The following PATL2 variants were observed in gnomAD, a reference collection of about 807,000 sequenced individuals.
PATL2 encodes protein PAT1 homolog 2.
In PATL2, 73 loss-of-function variants were observed where a neutral mutation model predicts 77.0. That is an observed-to-expected ratio of 0.95 (90% confidence interval 0.78 to 1.15). PATL2 has a LOEUF of 1.15. Ranked by LOEUF, PATL2 falls within the 50% of genes most tolerant of loss-of-function variation. The pLI is 0.00. For synonymous variants in PATL2, 265 were observed against 257.1 expected, an observed-to-expected ratio of 1.03 and a Z score of -0.29; for missense variants, 618 against 655.4, an observed-to-expected ratio of 0.94 and a Z score of 0.62.
chr15:44,677,067 T>C (rs2085995383), intron 3 of PATL2, among the ~76,000 whole-genome samples: 1 of 152,226 alleles, frequency 6.6e-6, no homozygotes, highest in African/African-American at 2.4e-5. Context: ...AGAAAAGACA[T>C]AAACTGCATT....
At chr15:44,668,543 G>T in intron 14 of PATL2, 61 bp from the exon 15 acceptor site, 1 of 1,525,022 alleles carries the variant, frequency 6.6e-7, no homozygotes. Context: ...CCCTTACCTT[G>T]CTTCCACAGT....
Position 44,670,063 on chromosome 15 carries a change from T to G in PATL2, c.682A>C (p.Lys228Gln), listed in dbSNP as rs777692492. 2 of 1,551,646 alleles carry G rather than the reference T, an allele frequency of 1.3e-6. No individual in the cohort carries two copies. The highest frequency in any genetic ancestry group is 1.2e-5 in the South Asian group (1 of 84,036). Reference protein sequence around the residue: ...YQEYYQKLEKKQADEELLGRR... With the variant: ...YQEYYQKLEKQQADEELLGRR... ...CCAAGTAGCTCTTCGTCTGCCTGCT[T>G]CTTCTCTAGCTTCTGGTAATATTCC... Residue 228 changes from lysine (K) to glutamine (Q), a missense_variant, in exon 10 of 18, where the codon AAG becomes CAG. Coordinates refer to ENST00000682850, the MANE Select transcript of PATL2 (RefSeq NM_001387263.1).
At chr15:44,677,798 A>G (rs1595973088) in intron 3 of PATL2, among the ~76,000 whole-genome samples, 1 of 152,164 alleles carries the variant, frequency 6.6e-6, no homozygotes, top group African/African-American at 2.4e-5. Context: ...TCATAACTAT[A>G]TGGGTGGGGG....
At position 44,711,220 on chromosome 15, in the gene PATL2, G is replaced by C. The variant is rs1363688412; in HGVS notation, c.-454C>G. Reference sequence around the variant, plus strand: ...CTCTGGGGCCAGTCTGCAAAGCGAGGGGGCAGCCTTAATGTGCCTCCAGCC... The same window carrying C: ...CTCTGGGGCCAGTCTGCAAAGCGAGCGGGCAGCCTTAATGTGCCTCCAGCC... On this transcript the variant is annotated 5_prime_UTR_variant, in exon 1 of 18. Transcript: ENST00000682850. The C allele has an allele frequency of 5.8e-6, 3 of 519,110 alleles. No homozygotes were observed. The highest frequency in any genetic ancestry group is 1.1e-5 in the Non-Finnish European group (3 of 285,214). 32.2% of individuals were successfully genotyped at this position (519,110 alleles called of 1,614,324 possible). A position where few individuals can be genotyped will look rare whatever the true frequency, so the allele number is the denominator to read the frequency against.
chr15:44,679,340 C>T (rs1324809699), intron 3 of PATL2, among the ~76,000 whole-genome samples: 1 of 151,830 alleles, frequency 6.6e-6, no homozygotes, highest in Non-Finnish European at 1.5e-5. Context: ...AAGCAATTGT[C>T]CTGCCTCAGC....
chr15:44,667,238 G>C, intron 15 of PATL2, 35 bp from the exon 16 acceptor site: 1 of 1,464,172 alleles, frequency 6.8e-7, no homozygotes, highest in Non-Finnish European at 9.4e-7. Flanking sequence ...AGAGCAAAAT[G>C]AGTTCACACT....
chr15:44,676,720 C>T, intron 3 of PATL2, 155 bp from the exon 4 acceptor site: 1 of 1,215,708 alleles, frequency 8.2e-7, no homozygotes, highest in Non-Finnish European at 1.1e-6. Context: ...CTGCCATAAA[C>T]ACCCACCCTC....
intron 3 of PATL2, among the ~76,000 whole-genome samples, chr15:44,677,165 C>A (rs2085998014): frequency 6.6e-6 from 1 of 152,144 alleles, no homozygotes; most frequent in African/African-American, 2.4e-5. Context: ...TTTCCACACC[C>A]TTCATTGGTA....
rs1400735575 is a variant in PATL2, at chr15:44,674,194, C to T, written c.259G>A (p.Gly87Ser). Reference sequence around the variant, plus strand: ...GAGGCAAGTGACATTCCCAGCATACCAGGGGCCTTGACTCCAGGGGAGCTA... The same window carrying T: ...GAGGCAAGTGACATTCCCAGCATACTAGGGGCCTTGACTCCAGGGGAGCTA... ...LLSSPGVKAP[G>S]MLGMSLASLH... Residue 87 changes from glycine (G) to serine (S), a missense_variant, in exon 6 of 18, where the codon GGT becomes AGT. Coordinates refer to ENST00000682850, the MANE Select transcript of PATL2 (RefSeq NM_001387263.1). 3.2e-6 allele frequency: 5 copies of T among 1,550,884 alleles called. No individual in the cohort carries two copies. In the East Asian group the frequency reaches 7.3e-5, roughly 23 times the overall value.
chr15:44,693,703 T>G (rs1247216963), intron 3 of PATL2, among the ~76,000 whole-genome samples: 1 of 151,916 alleles, frequency 6.6e-6, no homozygotes, highest in Non-Finnish European at 1.5e-5. Context: ...TTCTGTTTTT[T>G]TTTTTTTGAG....
At chr15:44,666,085 G>A (rs1367705058) in intron 17 of PATL2, 114 bp from the exon 18 acceptor site, 2 of 997,988 alleles carry the variant, frequency 2.0e-6, no homozygotes, top group African/African-American at 3.3e-5. Context: ...AGATGACCAT[G>A]TTATTCATGC....
intron 3 of PATL2, among the ~76,000 whole-genome samples, chr15:44,698,017 G>A (rs1595986607): frequency 6.6e-6 from 1 of 151,750 alleles, no homozygotes; most frequent in Non-Finnish European, 1.5e-5. Context: ...GGGACTACAG[G>A]TGCATACCAC....
At chr15:44,694,452 C>T (rs1028304591) in intron 3 of PATL2, among the ~76,000 whole-genome samples, 1 of 152,004 alleles carries the variant, frequency 6.6e-6, no homozygotes, top group African/African-American at 2.4e-5. Context: ...TCAGAAGTCC[C>T]CTCTCTCTCA....
At chr15:44,689,153 C>T (rs1394730092) in intron 3 of PATL2, among the ~76,000 whole-genome samples, 1 of 152,078 alleles carries the variant, frequency 6.6e-6, no homozygotes, top group African/African-American at 2.4e-5. Flanking sequence ...AAATCAAAAC[C>T]ACAAAGAGAT....
At position 44,673,330 on chromosome 15, in the gene PATL2, G is replaced by T. The variant is rs2085784382; in HGVS notation, c.351C>A (p.Ser117Arg). ...CAAAGTGCTGTGCTGGAGAGCTGGT[G>T]CTGGGAAATGTAGGCCAGAAAGGGA... The part of the protein sequence containing the change: ...SPIPFWPTFP[S>R]TSSPAQHFGP... The change falls in exon 7 of 18, where the codon AGC becomes AGA. Residue 117 changes from serine (S) to arginine (R), a missense_variant. Ser to Arg is a moderately radical substitution (Grantham distance 110). Transcript: ENST00000682850. The T allele has an allele frequency of 1.3e-6, 2 of 1,551,710 alleles. No homozygotes were observed. Among genetic ancestry groups the T allele is most frequent in the Non-Finnish European group, 1.7e-6 (2 of 1,146,972 alleles).
chr15:44,695,520 T>C (rs1272327149), intron 3 of PATL2, among the ~76,000 whole-genome samples: 8 of 152,148 alleles, frequency 5.3e-5, no homozygotes, highest in African/African-American at 1.9e-4. Flanking sequence ...GTAAATGTCA[T>C]ACCTGATGGA....
intron 3 of PATL2, among the ~76,000 whole-genome samples, chr15:44,707,243 A>G (rs1211937273): frequency 6.6e-6 from 1 of 152,008 alleles, no homozygotes; most frequent in Admixed American, 6.6e-5. Flanking sequence ...TTGGTATTCT[A>G]ACCCCACAGT....
chr15:44,667,048 C>T (rs2085408932), intron 16 of PATL2, 58 bp downstream of exon 16: 2 of 1,324,962 alleles, frequency 1.5e-6, no homozygotes, highest in African/African-American at 2.9e-5. Flanking sequence ...CTTCACCTGG[C>T]TCAGTCTGCA....
At chr15:44,694,210 G>A (rs1255739753) in intron 3 of PATL2, among the ~76,000 whole-genome samples, 1 of 152,094 alleles carries the variant, frequency 6.6e-6, no homozygotes, top group African/African-American at 2.4e-5. Flanking sequence ...GGGGATAGAT[G>A]GTGGAACCCA....
Sources: gnomAD v4.1 joint callset for allele counts (sites outside exome capture counted in the v4.1 genomes callset) on GRCh38, gnomAD v4.1.1 for gene constraint, MANE v1.5 for transcripts, NCBI Gene and HGNC (gene_info 2026-07-23, HGNC 2026-07-21) for gene names.